HK3: variants seen among roughly 807,000 people sequenced by gnomAD.
HK3 encodes the protein hexokinase-3.
HK3 carries 93 observed loss-of-function variants against 91.0 expected under a neutral mutation model. The observed-to-expected ratio is 1.02, with a 90% CI of 0.86 to 1.21. HK3 has a LOEUF of 1.21. HK3 is among the 50% of genes most tolerant of loss of function. HK3 has a pLI of 0.00. For synonymous variants in HK3, 519 were observed against 516.9 expected (o/e 1.00, Z -0.06); for missense variants, 1,235 against 1,247.4 (o/e 0.99, Z 0.15).
chr5:176,883,109 A>G (rs996009496), intron 15 of HK3, among the ~76,000 whole-genome samples: 1 of 152,172 alleles, frequency 6.6e-6, no homozygotes, highest in Non-Finnish European at 1.5e-5. Flanking sequence ...TGTAGAATCA[A>G]GTCACTCTCT....
chr5:176,883,756 A>C lies in HK3; in HGVS notation c.2053+14T>G. On this transcript the variant is annotated intron_variant, in intron 15 of 18. Transcript: ENST00000292432. ...CCAAGCAGTAGGGGCATGAAAGGGC[A>C]GGGCCCTCCTCACCGACAATGAGGC... The C allele has an allele frequency of 1.3e-6, 2 of 1,593,508 alleles. No homozygotes were observed. Among genetic ancestry groups the C allele is most frequent in the Non-Finnish European group, 1.7e-6 (2 of 1,161,598 alleles).
chr5:176,888,247 C>T, intron 10 of HK3, 85 bp downstream of exon 10: 1 of 1,166,474 alleles, frequency 8.6e-7, no homozygotes, highest in Non-Finnish European at 1.2e-6. Flanking sequence ...CTGGCTTGCA[C>T]ATGTGATCCC....
chr5:176,885,180 C>CT (rs1758549926), intron 13 of HK3, among the ~76,000 whole-genome samples: 1 of 152,160 alleles, frequency 6.6e-6, no homozygotes. Flanking sequence ...CAGAAGGGAT[C>CT]TGAGAAATCT....
At position 176,888,874 on chromosome 5, in the gene HK3, G is replaced by T; in HGVS notation, c.915-10C>A. ...GATCATCTTCTCAAACCTGCAGGGGGGAAGGGTGGCTGGAGGAAGCCTTTT... is the reference window on the plus strand; with the variant it reads ...GATCATCTTCTCAAACCTGCAGGGGTGAAGGGTGGCTGGAGGAAGCCTTTT... On this transcript the variant is annotated splice_polypyrimidine_tract_variant and intron_variant, in intron 8 of 18. Coordinates refer to ENST00000292432, the MANE Select transcript of HK3 (RefSeq NM_002115.3). The T allele has an allele frequency of 6.2e-7, 1 of 1,609,544 alleles. No homozygotes were observed. Among genetic ancestry groups the T allele is most frequent in the Non-Finnish European group, 8.5e-7 (1 of 1,177,082 alleles).
In HK3 at chr5:176,887,654, A is replaced by T. The variant is rs1291384884; in HGVS notation, c.1397T>A (p.Val466Glu). The change falls in exon 11 of 19, where the codon GTG becomes GAG. Residue 466 changes from valine (V) to glutamate (E), a missense_variant. Val to Glu is a moderately radical substitution (Grantham distance 121). Transcript: ENST00000292432. The surrounding 1 kb of genome is among the most constrained non-coding windows in gnomAD (Gnocchi z 4.9). ...IPSVDGGGRG[V>E]AMVTAVAARL... ...GGCAGCCACGGCAGTCACCATCGCC[A>T]CTCCCCGGCCACCACCATCCACAGA... The T allele has an allele frequency of 1.2e-6, 2 of 1,613,384 alleles. No individual in the cohort carries two copies. Among genetic ancestry groups the T allele is most frequent in the East Asian group, 4.5e-5 (2 of 44,862 alleles).
intron 3 of HK3, 25 bp from the exon 4 acceptor site, chr5:176,891,216 A>C (rs530696224): frequency 6.2e-7 from 1 of 1,614,046 alleles, no homozygotes; most frequent in Non-Finnish European, 8.5e-7. Context: ...GGTCACAGAA[A>C]GCCATGCAGC....
In HK3 at chr5:176,883,778, A is replaced by G. The variant is rs1282136309; in HGVS notation, c.2045T>C (p.Leu682Pro). ...GGCAGGGCCCTCCTCACCGACAATGAGGCCTATCTCGCAACGGGGGTCCTC... is the reference window on the plus strand; with the variant it reads ...GGCAGGGCCCTCCTCACCGACAATGGGGCCTATCTCGCAACGGGGGTCCTC... The part of the protein sequence containing the change: ...GYEDPRCEIG[L>P]IVGTGTNACY... Residue 682 changes from leucine to proline, a missense_variant, in exon 15 of 19, where the codon CTC (leucine) becomes CCC (proline). Leu to Pro is a moderately conservative substitution (Grantham distance 98). Around this residue, in one of 3 missense-constraint regions of HK3, gnomAD observed 513 missense variants for 477.4 expected, o/e 1.07. Transcript: ENST00000292432. 6.2e-7 allele frequency: 1 copy of G among 1,613,298 alleles called. No individual in the cohort carries two copies. Among genetic ancestry groups the G allele is most frequent in the Admixed American group, 1.7e-5 (1 of 60,014 alleles).
At position 176,890,807 on chromosome 5, in the gene HK3, T is replaced by G. The variant is rs1156634474; in HGVS notation, c.534+15A>C. 1 of 1,614,170 alleles carries G rather than the reference T, an allele frequency of 6.2e-7. No homozygotes were observed. ...GCCACCCTCTACCCAGCGTCCCATG[T>G]CCACTCCACCTCACCCTGTCCAAGC... On this transcript the variant is annotated intron_variant, in intron 5 of 18. Coordinates refer to ENST00000292432, the MANE Select transcript of HK3 (RefSeq NM_002115.3).
At position 176,887,426 on chromosome 5, in the gene HK3, T is replaced by A. The variant is rs1758624546; in HGVS notation, c.1600+25A>T. ...GGACCCCCAGGAGCCCATGTTTCGGTCCCACACTCAGGCCAGGTCCTTACC... is the reference window on the plus strand; with the variant it reads ...GGACCCCCAGGAGCCCATGTTTCGGACCCACACTCAGGCCAGGTCCTTACC... On this transcript the variant is annotated intron_variant, in intron 11 of 18. Transcript: ENST00000292432. This position sits in a 1 kb window ranked among gnomAD's most constrained non-coding sequence, Gnocchi z 4.9. The A allele has an allele frequency of 1.2e-6, 2 of 1,612,308 alleles. No homozygotes were observed. Among genetic ancestry groups the A allele is most frequent in the Non-Finnish European group, 1.7e-6 (2 of 1,179,138 alleles).
chr5:176,888,307 C>T (rs1404287994), intron 10 of HK3, 25 bp downstream of exon 10: 6 of 1,531,436 alleles, frequency 3.9e-6, no homozygotes, highest in Non-Finnish European at 2.7e-6. Flanking sequence ...GCCAACTAAT[C>T]ATGCGGATCA....
At chr5:176,886,224 C>G (rs1379882720) in intron 13 of HK3, among the ~76,000 whole-genome samples, 1 of 151,120 alleles carries the variant, frequency 6.6e-6, no homozygotes, top group Non-Finnish European at 1.5e-5. Context: ...CAGAGTGAGA[C>G]TTCATCTCAA....
intron 2 of HK3, among the ~76,000 whole-genome samples, chr5:176,892,380 G>A (rs767392142): frequency 6.6e-6 from 1 of 152,146 alleles, no homozygotes; most frequent in Non-Finnish European, 1.5e-5. Flanking sequence ...GAAGAGCAAG[G>A]GGATGGATTT....
chr5:176,888,505 C>T lies in HK3; in HGVS notation c.1131G>A (p.Gly377=), dbSNP rs1322971231. The stretch of plus-strand genomic sequence containing the variant: ...GCTGCACAAGCTCAACATCCGAAGC[C>T]CCAGGGCTCAGGCCCAAGTCCTGCA... ...AILQDLGLSP[G]ASDVELVQHV... The change falls in exon 10 of 19, where the codon GGG becomes GGA. Residue 377 remains glycine, a synonymous_variant. Coordinates refer to ENST00000292432, the MANE Select transcript of HK3 (RefSeq NM_002115.3). 1.3e-6 allele frequency: 2 copies of T among 1,554,674 alleles called. No individual in the cohort carries two copies. The highest frequency in any genetic ancestry group is 2.4e-5 in the East Asian group (1 of 41,090).
rs749842533 is a variant in HK3 at position 176,889,568 on chromosome 5, G to T, written c.731-4C>A. On this transcript the variant is annotated splice_region_variant and splice_polypyrimidine_tract_variant and intron_variant, in intron 7 of 18. Transcript: ENST00000292432. ...TAACACGCGTTGGTGCCCGTGTCTG[G>T]CAGAGACAACCCTGTCAAGGCCTGC... The T allele has an allele frequency of 4.9e-5, 79 of 1,613,986 alleles. No individual in the cohort carries two copies. The highest frequency in any genetic ancestry group is 6.4e-5 in the Non-Finnish European group (76 of 1,179,954).
Position 176,891,446 on chromosome 5 carries a change from G to A in HK3, c.201C>T (p.Ser67=), listed in dbSNP as rs1434711567. 15 of 1,614,086 alleles carry A rather than the reference G, an allele frequency of 9.3e-6. No homozygotes were observed. The highest frequency in any genetic ancestry group is 1.3e-5 in the Non-Finnish European group (15 of 1,179,998). The change falls in exon 3 of 19, where the codon AGC becomes AGT. Residue 67 remains serine, a synonymous_variant. Transcript: ENST00000292432. ...SMEQALRGQA[S]PAPAVRMLPT... ...GCAGCATCCGGACCGCAGGGGCAGG[G>A]CTGGCCTGTCCCCTCAGCGCCTGCT...
At chr5:176,881,569 T>G (rs1581287422) in intron 17 of HK3, 34 bp from the exon 18 acceptor site, 1 of 1,587,752 alleles carries the variant, frequency 6.3e-7, no homozygotes, top group Non-Finnish European at 8.6e-7. Context: ...CACAGGGAGG[T>G]GGGTCGTGAC....
At position 176,884,772 on chromosome 5, in the gene HK3, G is replaced by A. The variant is rs1758539200; in HGVS notation, c.1858-638C>T. ...GAAAGGAATGCTGTTTTCTTAGTGT[G>A]CGTCCTCTGAGGGAGGGGGCAGGGG... On this transcript the variant is annotated intron_variant, in intron 13 of 18. Coordinates refer to ENST00000292432, the MANE Select transcript of HK3 (RefSeq NM_002115.3). The surrounding 1 kb of genome is among the most constrained non-coding windows in gnomAD (Gnocchi z 4.1). Among the ~76,000 whole-genome samples, 1 of 152,194 alleles carries A rather than the reference G, an allele frequency of 6.6e-6. No individual in the cohort carries two copies. The highest frequency in any genetic ancestry group is 2.4e-5 in the African/African-American group (1 of 41,450).
chr5:176,893,367 A>G (rs1394689235), intron 2 of HK3, among the ~76,000 whole-genome samples: 1 of 152,194 alleles, frequency 6.6e-6, no homozygotes, highest in Non-Finnish European at 1.5e-5. Flanking sequence ...GAAAACTTAC[A>G]GCTGAGTCCT....
Position 176,882,092 on chromosome 5 carries a change from G to A in HK3, c.2089C>T (p.Arg697Trp), listed in dbSNP as rs147409752. ...TCCCCAGGCACGCCCGCCACATTCC[G>A]GAGCTCCTCCATGTAGCAGGCATTG... ...GTNACYMEEL[R>W]NVAGVPGDSG... Residue 697 changes from arginine (R) to tryptophan (W), a missense_variant, in exon 16 of 19, where the codon CGG (arginine) becomes TGG (tryptophan). Arg to Trp is a moderately radical substitution (Grantham distance 101). This residue lies in a region of HK3 where 513 missense variants were observed against 477.4 expected (regional missense o/e 1.07). Transcript: ENST00000292432. The A allele has an allele frequency of 2.3e-5, 37 of 1,613,086 alleles. No homozygotes were observed. Among genetic ancestry groups the A allele is most frequent in the Middle Eastern group, 3.3e-4 (2 of 6,062 alleles).
Sources: gnomAD v4.1 joint callset for allele counts (sites outside exome capture counted in the v4.1 genomes callset) on GRCh38, gnomAD v4.1.1 for gene constraint, gnomAD v4.1.1 regional missense constraint, Gnocchi (gnomAD v3.1) non-coding constraint, MANE v1.5 for transcripts, NCBI Gene and HGNC (gene_info 2026-07-23, HGNC 2026-07-21) for gene names.